AGAP1: variants seen among roughly 807,000 people sequenced by gnomAD.
AGAP1 encodes the protein arf-GAP with GTPase, ANK repeat and PH domain-containing protein 1.
AGAP1 carries 29 observed loss-of-function variants against 105.3 expected under a neutral mutation model. That is an observed-to-expected ratio of 0.28 (90% CI 0.21 to 0.38). The LOEUF (loss-of-function observed/expected upper bound fraction) is 0.38. Ranked by LOEUF, AGAP1 falls within the 10% of genes least tolerant of loss-of-function variation. The pLI is 1.00. For missense variants in AGAP1, 998 were observed against 1,165.1 expected (o/e 0.86, Z 2.09); for synonymous variants, 509 against 485.9 (o/e 1.05, Z -0.63).
At chr2:235,593,600 A>G (rs982860099) in intron 1 of AGAP1, among the ~76,000 whole-genome samples, 1 of 152,162 alleles carries the variant, frequency 6.6e-6, no homozygotes, top group South Asian at 2.1e-4. Context: ...ATACTTAAAT[A>G]TATCTACTGT....
intron 10 of AGAP1, among the ~76,000 whole-genome samples, chr2:235,894,633 G>GTACACACACA (rs34081297): frequency 0.72 from 105,389 of 147,040 alleles, 37,556 homozygotes; most frequent in East Asian, 0.96. Flanking sequence ...ACATGCACAT[G>GTACACACACA]TACACACACA....
chr2:235,931,901 G>A lies in AGAP1; in HGVS notation c.1483+978G>A, dbSNP rs1348391287. On this transcript the variant is annotated intron_variant, in intron 12 of 17. Coordinates refer to ENST00000304032, the MANE Select transcript of AGAP1 (RefSeq NM_001037131.3). The surrounding 1 kb of genome is among the most constrained non-coding windows in gnomAD (Gnocchi z 5.6). Reference sequence around the variant, plus strand: ...CGGGTCTGGAAGAGCCTTGTGACTTGGAGCAGACACACACAGCGTCACGCG... The same window carrying A: ...CGGGTCTGGAAGAGCCTTGTGACTTAGAGCAGACACACACAGCGTCACGCG... Among the ~76,000 whole-genome samples, 2 of 152,094 alleles carry A rather than the reference G, an allele frequency of 1.3e-5. No individual in the cohort carries two copies. Among genetic ancestry groups the A allele is most frequent in the African/African-American group, 4.8e-5 (2 of 41,398 alleles).
rs774416121 is a variant in AGAP1 at position 235,963,189 on chromosome 2, T to C, written c.1484-5273T>C. On this transcript the variant is annotated intron_variant, in intron 12 of 17. Coordinates refer to ENST00000304032, the MANE Select transcript of AGAP1 (RefSeq NM_001037131.3). The surrounding 1 kb of genome is among the most constrained non-coding windows in gnomAD (Gnocchi z 5.1). ...TTTCTCGGACTCACCAAGAGAATTA[T>C]AAATATTGCAAGATATGGAGAAAGC... Among the ~76,000 whole-genome samples, 1 of 152,156 alleles carries C rather than the reference T, an allele frequency of 6.6e-6. No homozygotes were observed. Among genetic ancestry groups the C allele is most frequent in the Non-Finnish European group, 1.5e-5 (1 of 68,030 alleles).
chr2:235,563,839 C>G (rs768333941), intron 1 of AGAP1, among the ~76,000 whole-genome samples: 1 of 152,136 alleles, frequency 6.6e-6, no homozygotes, highest in Admixed American at 6.5e-5. Context: ...TTGTCACAAC[C>G]CCTTTGAAGT....
intron 6 of AGAP1, among the ~76,000 whole-genome samples, chr2:235,781,323 A>G (rs1017442405): frequency 6.6e-6 from 1 of 152,254 alleles, no homozygotes; most frequent in Admixed American, 6.5e-5. Context: ...CGACATTCAT[A>G]TCCCTTGGAT....
chr2:235,749,698 C>G (rs780387997), intron 5 of AGAP1, among the ~76,000 whole-genome samples: 7 of 152,208 alleles, frequency 4.6e-5, no homozygotes, highest in Non-Finnish European at 8.8e-5. Flanking sequence ...ACCTCTTGCT[C>G]TAAAACCCAG....
Position 235,656,849 on chromosome 2 carries a change from G to T in AGAP1, c.164-52330G>T, listed in dbSNP as rs530939843. ...GAAACTTTATATATAACATAATGTT[G>T]CAGTCCTTTAACATAACAGAAAGGA... On this transcript the variant is annotated intron_variant, in intron 1 of 17. Transcript: ENST00000304032. Among the ~76,000 whole-genome samples the T allele has an allele frequency of 7.9e-5, 12 of 152,248 alleles. No individual in the cohort carries two copies. In the South Asian group the frequency reaches 2.5e-3, roughly 32 times the overall value.
intron 1 of AGAP1, among the ~76,000 whole-genome samples, chr2:235,634,272 G>C (rs1041496789): frequency 2.0e-5 from 3 of 152,246 alleles, no homozygotes; most frequent in Admixed American, 6.5e-5. Flanking sequence ...CCAGTTCACT[G>C]TGTATCTCTG....
intron 1 of AGAP1, among the ~76,000 whole-genome samples, chr2:235,627,202 T>TC (rs1559298536): frequency 6.8e-6 from 1 of 146,458 alleles, no homozygotes; most frequent in East Asian, 2.0e-4. Flanking sequence ...GTTTTTTTTT[T>TC]TTTTTTTTTT....
chr2:235,744,643 C>G lies in AGAP1; in HGVS notation c.397-55C>G. 6.2e-7 allele frequency: 1 copy of G among 1,607,558 alleles called. No homozygotes were observed. The highest frequency in any genetic ancestry group is 8.5e-7 in the Non-Finnish European group (1 of 1,175,464). ...CTGCCGCCATGCAGACATCTCTGTTCTTAATCAAGCCTGCTCACTCAGCTC... is the reference window on the plus strand; with the variant it reads ...CTGCCGCCATGCAGACATCTCTGTTGTTAATCAAGCCTGCTCACTCAGCTC... On this transcript the variant is annotated intron_variant, in intron 4 of 17. Transcript: ENST00000304032. The surrounding 1 kb of genome is among the most constrained non-coding windows in gnomAD (Gnocchi z 5.2).
At chr2:236,091,617 A>G (rs1254138496) in intron 16 of AGAP1, among the ~76,000 whole-genome samples, 1 of 152,192 alleles carries the variant, frequency 6.6e-6, no homozygotes, top group East Asian at 1.9e-4. Context: ...ACAAAAAAAT[A>G]CAAAAATTAG....
Position 235,788,461 on chromosome 2 carries a change from T to G in AGAP1, c.674-9298T>G, listed in dbSNP as rs563300912. ...GAGAAGGCATGGATGAGAGCAATGC[T>G]GAGGGAAGGTGAGGCAGGGTGGGGA... On this transcript the variant is annotated intron_variant, in intron 6 of 17. Transcript: ENST00000304032. The surrounding 1 kb of genome is among the most constrained non-coding windows in gnomAD (Gnocchi z 6.0). Among the ~76,000 whole-genome samples the G allele has an allele frequency of 1.3e-5, 2 of 150,222 alleles. No individual in the cohort carries two copies. The highest frequency in any genetic ancestry group is 3.9e-4 in the East Asian group (2 of 5,102).
chr2:235,547,389 C>T (rs1251580744), intron 1 of AGAP1, among the ~76,000 whole-genome samples: 20 of 144,204 alleles, frequency 1.4e-4, no homozygotes, highest in African/African-American at 4.7e-4. Context: ...GATGGAGTCT[C>T]GCTCTGTCAC....
chr2:235,814,338 G>C (rs550343695), intron 9 of AGAP1, among the ~76,000 whole-genome samples: 1 of 152,170 alleles, frequency 6.6e-6, no homozygotes, highest in Non-Finnish European at 1.5e-5. Context: ...GTTGAACAGT[G>C]GTGGTGAAAT....
At chr2:236,074,013 AT>A in intron 16 of AGAP1, among the ~76,000 whole-genome samples, 1 of 152,284 alleles carries the variant, frequency 6.6e-6, no homozygotes, top group South Asian at 2.1e-4. Context: ...CCCTGGGGAC[AT>A]TTGGAAATGC....
In AGAP1 at chr2:235,709,191, A is replaced by G. The variant is rs776418772; in HGVS notation, c.176A>G (p.Asn59Ser). Residue 59 changes from asparagine to serine, a missense_variant, in exon 2 of 18, where the codon AAC becomes AGC. Physicochemically the swap from Asn to Ser is conservative, Grantham distance 46 (BLOSUM62 1). Transcript: ENST00000304032. ...TCCTCTTTTTCAGATGCCTTCGTGAACAGCCAGGAATGGACGCTGAGTCGA... is the reference window on the plus strand; with the variant it reads ...TCCTCTTTTTCAGATGCCTTCGTGAGCAGCCAGGAATGGACGCTGAGTCGA... ...HVIAIEDAFV[N>S]SQEWTLSRSV... 22 of 1,614,028 alleles carry G rather than the reference A, an allele frequency of 1.4e-5. No individual in the cohort carries two copies. Among genetic ancestry groups the G allele is most frequent in the African/African-American group, 2.7e-5 (2 of 74,906 alleles).
chr2:235,749,614 C>T (rs999271582), intron 5 of AGAP1, among the ~76,000 whole-genome samples: 3 of 152,050 alleles, frequency 2.0e-5, no homozygotes, highest in Admixed American at 2.0e-4. Context: ...AGCTGTCCTG[C>T]TGCCCTCTGC....
At position 236,124,803 on chromosome 2, in the gene AGAP1, C is replaced by T. The variant is rs1487858815; in HGVS notation, c.*681C>T. On this transcript the variant is annotated 3_prime_UTR_variant, in exon 18 of 18. Transcript: ENST00000304032. The surrounding 1 kb of genome is among the most constrained non-coding windows in gnomAD (Gnocchi z 5.1). ...TCACGCGGCACGCGCCGGTGATTGC[C>T]ACGATGTGATTGCAATACTCTTAGA... The T allele has an allele frequency of 6.5e-6, 1 of 154,032 alleles. No homozygotes were observed. The highest frequency in any genetic ancestry group is 2.4e-5 in the African/African-American group (1 of 41,448). The allele number at this position is 154,032 out of a possible 1,614,324, so 9.5% of individuals were successfully genotyped here. A position where few individuals can be genotyped will look rare whatever the true frequency, so the allele number is the denominator to read the frequency against.
intron 11 of AGAP1, among the ~76,000 whole-genome samples, chr2:235,920,651 A>G (rs1187479328): frequency 3.3e-5 from 5 of 152,218 alleles, no homozygotes; most frequent in Non-Finnish European, 4.4e-5. Context: ...AGTGATGCCA[A>G]CTACAGCACT....
Sources: allele counts gnomAD v4.1 joint callset (sites outside exome capture counted in the v4.1 genomes callset), GRCh38; gene constraint gnomAD v4.1.1; non-coding constraint Gnocchi (gnomAD v3.1); transcripts MANE v1.5; gene names NCBI Gene and HGNC (gene_info 2026-07-23, HGNC 2026-07-21).